The following ZCCHC14 variants were observed in gnomAD, a reference collection of about 807,000 sequenced individuals.
ZCCHC14 encodes zinc finger CCHC-type containing 14.
Under a neutral mutation model 85.0 loss-of-function variants are expected in ZCCHC14, and 16 were observed. That is an observed-to-expected ratio of 0.19 (90% CI 0.13 to 0.29). ZCCHC14 has a LOEUF of 0.29. Ranked by LOEUF, ZCCHC14 falls within the 10% of genes least tolerant of loss-of-function variation. The probability of loss-of-function intolerance (pLI) is 1.00; values close to 1 mark genes in which losing one functional copy is unlikely to be tolerated. For synonymous variants in ZCCHC14, 775 were observed against 630.7 expected (o/e 1.23, Z -3.43); for missense variants, 1,303 against 1,443.5 (o/e 0.90, Z 1.58).
At chr16:87,429,488 A>T (rs1909541119) in intron 3 of ZCCHC14, among the ~76,000 whole-genome samples, 1 of 151,776 alleles carries the variant, frequency 6.6e-6, no homozygotes, top group Admixed American at 6.6e-5. Flanking sequence ...AACTCTCAAA[A>T]CTTAGTAAGA....
In ZCCHC14 at chr16:87,432,444, G is replaced by A. The variant is rs1004046709; in HGVS notation, c.768+684C>T. On this transcript the variant is annotated intron_variant, in intron 3 of 12. Coordinates refer to ENST00000671377, the MANE Select transcript of ZCCHC14 (RefSeq NM_015144.3). Reference sequence around the variant, plus strand: ...CTTCCTCCTGCTGCCCAGGATGAACGCGTGAGGACTGGTGCCCTGGCTAGC... The same window carrying A: ...CTTCCTCCTGCTGCCCAGGATGAACACGTGAGGACTGGTGCCCTGGCTAGC... Among the ~76,000 whole-genome samples the A allele has an allele frequency of 5.9e-5, 9 of 152,260 alleles. No individual in the cohort carries two copies. In the East Asian group the frequency reaches 1.4e-3, roughly 23 times the overall value.
At chr16:87,419,128 A>G (rs879724846) in intron 6 of ZCCHC14, among the ~76,000 whole-genome samples, 312 of 99,222 alleles carry the variant, frequency 3.1e-3, no homozygotes, top group Non-Finnish European at 3.7e-3. Context: ...GGCTAATTTT[A>G]TATTTTTATT....
chr16:87,429,146 C>T (rs745839885), intron 3 of ZCCHC14, among the ~76,000 whole-genome samples: 24 of 152,194 alleles, frequency 1.6e-4, no homozygotes, highest in Non-Finnish European at 3.1e-4. Flanking sequence ...TTTCACATTC[C>T]CACCATCAGT....
At position 87,421,540 on chromosome 16, in the gene ZCCHC14, C is replaced by T. The variant is rs934560965; in HGVS notation, c.841-824G>A. Among the ~76,000 whole-genome samples the T allele has an allele frequency of 2.6e-5, 4 of 152,106 alleles. 1 individual carries two copies. Among genetic ancestry groups the T allele is most frequent in the African/African-American group, 9.7e-5 (4 of 41,428 alleles). ...GCCTGCCCAGGATCAGGCTGGGCTG[C>T]AAGAGTGAAGGCCCTTGCCCCCACA... On this transcript the variant is annotated intron_variant, in intron 4 of 12. Transcript: ENST00000671377.
chr16:87,467,985 C>T (rs184588248), intron 1 of ZCCHC14, among the ~76,000 whole-genome samples: 15 of 152,286 alleles, frequency 9.8e-5, no homozygotes, highest in Admixed American at 3.3e-4. Context: ...TGAGCCACTG[C>T]GCCTGGCTCC....
intron 3 of ZCCHC14, among the ~76,000 whole-genome samples, chr16:87,424,583 C>T (rs1909271863): frequency 1.3e-5 from 2 of 152,178 alleles, no homozygotes; most frequent in African/African-American, 2.4e-5. Flanking sequence ...TCCCCACATG[C>T]ACGCTAAGCT....
chr16:87,449,516 G>T lies in ZCCHC14; in HGVS notation c.694+10492C>A, dbSNP rs148056733. Among the ~76,000 whole-genome samples the T allele has an allele frequency of 1.2e-3, 185 of 152,048 alleles. 1 individual carries two copies. The highest frequency in any genetic ancestry group is 3.7e-3 in the African/African-American group (155 of 41,466). On this transcript the variant is annotated intron_variant, in intron 2 of 12. Coordinates refer to ENST00000671377, the MANE Select transcript of ZCCHC14 (RefSeq NM_015144.3). The stretch of plus-strand genomic sequence containing the variant: ...GACAGACCCCGACCAATTCAGCAAC[G>T]CCACCAAGAGAGCAAACCCCAATCC...
chr16:87,480,045 G>A (rs912794696), intron 1 of ZCCHC14, among the ~76,000 whole-genome samples: 1 of 151,834 alleles, frequency 6.6e-6, no homozygotes, highest in Admixed American at 6.6e-5. Context: ...AAAGTGCTGG[G>A]GTTACAGGTG....
At chr16:87,460,790 C>G (rs1238357887) in intron 1 of ZCCHC14, among the ~76,000 whole-genome samples, 1 of 152,180 alleles carries the variant, frequency 6.6e-6, no homozygotes, top group Non-Finnish European at 1.5e-5. Flanking sequence ...TCAAATAGCT[C>G]CCTATAAAAC....
chr16:87,424,577 C>G (rs1006050737), intron 3 of ZCCHC14, among the ~76,000 whole-genome samples: 1 of 152,150 alleles, frequency 6.6e-6, no homozygotes, highest in African/African-American at 2.4e-5. Flanking sequence ...TCCATCTCCC[C>G]ACATGCACGC....
At chr16:87,432,549 C>G (rs1008253468) in intron 3 of ZCCHC14, among the ~76,000 whole-genome samples, 1 of 152,140 alleles carries the variant, frequency 6.6e-6, no homozygotes, top group African/African-American at 2.4e-5. Flanking sequence ...TAAGGGCACC[C>G]TCAGGTTCTG....
intron 1 of ZCCHC14, among the ~76,000 whole-genome samples, chr16:87,488,358 C>T (rs1304707633): frequency 2.0e-5 from 3 of 152,168 alleles, no homozygotes; most frequent in Non-Finnish European, 4.4e-5. Flanking sequence ...GCAGCATTAC[C>T]GGCCACTAGG....
In ZCCHC14 at chr16:87,410,116, G is replaced by A. The variant is rs1333734682; in HGVS notation, c.*164C>T. On this transcript the variant is annotated 3_prime_UTR_variant, in exon 13 of 13. Transcript: ENST00000671377. Reference sequence around the variant, plus strand: ...CAATCTAGGGTTTTGGCAATAAATCGAGTTTGATGCACTTCTACGCTAGAT... The same window carrying A: ...CAATCTAGGGTTTTGGCAATAAATCAAGTTTGATGCACTTCTACGCTAGAT... The A allele has an allele frequency of 2.3e-5, 12 of 511,650 alleles. No individual in the cohort carries two copies. Among genetic ancestry groups the A allele is most frequent in the East Asian group, 1.3e-4 (4 of 31,530 alleles). 31.7% of individuals were successfully genotyped at this position (511,650 alleles called of 1,614,324 possible).
chr16:87,411,418 G>A, intron 12 of ZCCHC14, 98 bp downstream of exon 12: 1 of 1,539,380 alleles, frequency 6.5e-7, no homozygotes, highest in Non-Finnish European at 8.7e-7. Context: ...AAAATTATTT[G>A]CTTTACAAAG....
In ZCCHC14 at chr16:87,438,064, C is replaced by T. The variant is rs117621133; in HGVS notation, c.695-4863G>A. Reference sequence around the variant, plus strand: ...TAACATGGTTGTGACAGCCTGCCACCTATGGAGAAAATGAGGAAAAACCCA... The same window carrying T: ...TAACATGGTTGTGACAGCCTGCCACTTATGGAGAAAATGAGGAAAAACCCA... On this transcript the variant is annotated intron_variant, in intron 2 of 12. Transcript: ENST00000671377. 3.0e-4 allele frequency among the ~76,000 whole-genome samples: 46 copies of T among 152,346 alleles called. No individual in the cohort carries two copies. In the East Asian group the frequency reaches 8.9e-3, roughly 29 times the overall value.
rs1048337166 is a variant in ZCCHC14, at chr16:87,408,014, T to G, written c.*2266A>C. 6.5e-6 allele frequency: 1 copy of G among 152,814 alleles called. No homozygotes were observed. The highest frequency in any genetic ancestry group is 2.1e-4 in the South Asian group (1 of 4,828). The allele number at this position is 152,814 out of a possible 1,614,324, so 9.5% of individuals were successfully genotyped here. ...GCCGCCCATGCACGTTCAAGACGAC[T>G]GGCAGCTCCGCAGAGGCCTTCGCTG... On this transcript the variant is annotated 3_prime_UTR_variant, in exon 13 of 13. Transcript: ENST00000671377.
At position 87,412,464 on chromosome 16, in the gene ZCCHC14, C is replaced by T. The variant is rs138569077; in HGVS notation, c.2257G>A (p.Val753Met). The change falls in exon 12 of 13, where the codon GTG becomes ATG. Residue 753 changes from valine (V) to methionine (M), a missense_variant. Coordinates refer to ENST00000671377, the MANE Select transcript of ZCCHC14 (RefSeq NM_015144.3). ...CCCGTGGCGGCCGTGCTGGTCTCCA[C>T]GACCAGGGCCGGTTGCTGTGCTGTC... is the stretch of plus-strand genomic sequence containing the variant. ...LKTAQQPALV[V>M]ETSTAATGTP... is the part of the protein sequence containing the mutation. 4.3e-5 allele frequency: 69 copies of T among 1,613,770 alleles called. No homozygotes were observed. The highest frequency in any genetic ancestry group is 5.6e-5 in the Non-Finnish European group (66 of 1,179,974).
At chr16:87,453,480 T>C (rs1444183739) in intron 2 of ZCCHC14, among the ~76,000 whole-genome samples, 2 of 152,146 alleles carry the variant, frequency 1.3e-5, no homozygotes, top group Non-Finnish European at 2.9e-5. Context: ...GAAGAGGGGA[T>C]AGGGCTGGGA....
intron 1 of ZCCHC14, among the ~76,000 whole-genome samples, chr16:87,475,601 AT>A: frequency 6.6e-6 from 1 of 151,148 alleles, no homozygotes; most frequent in Non-Finnish European, 1.5e-5. Flanking sequence ...AAAAAATGCT[AT>A]TTCTAAACGA....
Sources: gnomAD v4.1 joint callset for allele counts (sites outside exome capture counted in the v4.1 genomes callset) on GRCh38, gnomAD v4.1.1 for gene constraint, MANE v1.5 for transcripts, NCBI Gene and HGNC (gene_info 2026-07-23, HGNC 2026-07-21) for gene names.